Variants in PDE6A observed in about 807,000 individuals in gnomAD.
The protein encoded by PDE6A is phosphodiesterase 6A.
A neutral mutation model predicts 106.3 loss-of-function variants in PDE6A; 84 were observed. That is an observed-to-expected ratio of 0.79 (90% CI 0.66 to 0.95). The LOEUF is 0.95. Among genes scored for constraint, PDE6A ranks in the 40% least tolerant of loss-of-function variants. PDE6A has a pLI of 0.00. For missense variants in PDE6A, 1,052 were observed against 1,084.9 expected (o/e 0.97, Z 0.43); for synonymous variants, 394 against 386.6 (o/e 1.02, Z -0.23).
chr5:149,878,092 G>A (rs957278039), intron 17 of PDE6A, among the ~76,000 whole-genome samples: 13 of 152,210 alleles, frequency 8.5e-5, no homozygotes, highest in Non-Finnish European at 1.6e-4. Flanking sequence ...TTGTAAGGTG[G>A]GGAAGAATGA....
chr5:149,910,307 T>A (rs1347494065), intron 6 of PDE6A, among the ~76,000 whole-genome samples: 1 of 152,238 alleles, frequency 6.6e-6, no homozygotes, highest in East Asian at 1.9e-4. Context: ...CTCTTTCAGA[T>A]TAGTCTCCTG....
chr5:149,940,504 C>CATTTTTTTTTTTTT, intron 1 of PDE6A, among the ~76,000 whole-genome samples: 1 of 118,174 alleles, frequency 8.5e-6, no homozygotes, highest in South Asian at 3.1e-4. Flanking sequence ...CTGTTTGAAT[C>CATTTTTTTTTTTTT]CTTTTTTTTT....
chr5:149,867,551 T>A (rs1408678069), intron 19 of PDE6A, 174 bp downstream of exon 19: 1 of 688,116 alleles, frequency 1.5e-6, no homozygotes, highest in Non-Finnish European at 2.6e-6. Context: ...ACCTAACATG[T>A]TCTCAAGTAA....
chr5:149,931,124 G>A lies in PDE6A; in HGVS notation c.762C>T (p.Asp254=). Reference sequence around the variant, plus strand: ...GGGCTTTGTGGAACTGTCGTTCGATGTCCGTAAGTTCTTCAAAGACTTTGC... The same window carrying A: ...GGGCTTTGTGGAACTGTCGTTCGATATCCGTAAGTTCTTCAAAGACTTTGC... ...SGSKVFEELT[D]IERQFHKALY... The change falls in exon 4 of 22, where the codon GAC becomes GAT. Residue 254 remains aspartate (D), a synonymous_variant. Transcript: ENST00000255266. The A allele has an allele frequency of 6.2e-7, 1 of 1,614,088 alleles. No individual in the cohort carries two copies. Among genetic ancestry groups the A allele is most frequent in the Non-Finnish European group, 8.5e-7 (1 of 1,179,964 alleles).
chr5:149,874,427 G>C lies in PDE6A; in HGVS notation c.2136-6269C>G, dbSNP rs149889103. Among the ~76,000 whole-genome samples, 608 of 152,292 alleles carry C rather than the reference G, an allele frequency of 4.0e-3. 6 individuals are homozygous for C. The highest frequency in any genetic ancestry group is 0.014 in the African/African-American group (570 of 41,552). ...TTTCTAGTTTATTATAAAGGTTACA[G>C]CTCAGAAACAGCCAAATGAATGTGA... is the stretch of plus-strand genomic sequence containing the variant. On this transcript the variant is annotated intron_variant, in intron 17 of 21. Transcript: ENST00000255266.
At chr5:149,883,406 G>T in intron 17 of PDE6A, 23 bp downstream of exon 17, 2 of 1,514,402 alleles carry the variant, frequency 1.3e-6, no homozygotes, top group Non-Finnish European at 1.8e-6. Context: ...AGAGGATCAG[G>T]TTTTAACCCC....
Position 149,944,552 on chromosome 5 carries a change from T to A in PDE6A, c.122A>T (p.Glu41Val). Residue 41 changes from glutamate to valine, a missense_variant, in exon 1 of 22, where the codon GAG (glutamate) becomes GTG (valine). Physicochemically the swap from Glu to Val is moderately radical, Grantham distance 121. This residue lies in a region of PDE6A where 913 missense variants were observed against 915.2 expected (regional missense o/e 1.00). Transcript: ENST00000255266. ...KLISDLLGAK[E>V]AAVDFSNYHS... ...GTAGTTGCTGAAGTCCACGGCAGCC[T>A]CCTTGGCCCCAAGGAGGTCGGAGAT... 1 of 1,614,060 alleles carries A rather than the reference T, an allele frequency of 6.2e-7. No individual in the cohort carries two copies. The highest frequency in any genetic ancestry group is 8.5e-7 in the Non-Finnish European group (1 of 1,180,004).
At chr5:149,896,306 C>A (rs1247737092) in intron 12 of PDE6A, 50 bp downstream of exon 12, 2 of 1,476,218 alleles carry the variant, frequency 1.4e-6, no homozygotes, top group East Asian at 2.3e-5. Context: ...TTAAAGCAAG[C>A]AAGAAAGAAA....
chr5:149,865,931 G>A (rs1760314816), intron 20 of PDE6A, among the ~76,000 whole-genome samples: 1 of 152,200 alleles, frequency 6.6e-6, no homozygotes, highest in Admixed American at 6.5e-5. Flanking sequence ...TCCATGCTTA[G>A]TCATTTGCCC....
intron 7 of PDE6A, among the ~76,000 whole-genome samples, chr5:149,905,496 C>A (rs1213720734): frequency 1.3e-5 from 2 of 152,160 alleles, no homozygotes; most frequent in Admixed American, 6.5e-5. Flanking sequence ...AGCATGATGA[C>A]AGCACTATCT....
intron 5 of PDE6A, among the ~76,000 whole-genome samples, chr5:149,919,203 A>G (rs1211919761): frequency 6.6e-6 from 1 of 152,076 alleles, no homozygotes; most frequent in Non-Finnish European, 1.5e-5. Flanking sequence ...GTCTTTAGAA[A>G]GGTTAGAAAT....
At chr5:149,888,899 C>T (rs1049392090) in intron 13 of PDE6A, among the ~76,000 whole-genome samples, 1 of 151,520 alleles carries the variant, frequency 6.6e-6, no homozygotes, top group African/African-American at 2.4e-5. Flanking sequence ...CTGGCTAACA[C>T]AGTGAAACCC....
In PDE6A at chr5:149,883,434, G is replaced by T; in HGVS notation, c.2130C>A (p.Ile710=). Residue 710 remains isoleucine, a synonymous_variant, in exon 17 of 22, where the codon ATC becomes ATA. Coordinates refer to ENST00000255266, the MANE Select transcript of PDE6A (RefSeq NM_000440.3). ...TTAACCCCATCCCAACTCACATAAC[G>T]ATTTCCTTCCGTGTCTGCTCCAGCA... The part of the protein sequence containing the change: ...YMMLEQTRKE[I]VMAMMMTACD... 1 of 1,608,864 alleles carries T rather than the reference G, an allele frequency of 6.2e-7. No individual in the cohort carries two copies. Among genetic ancestry groups the T allele is most frequent in the Non-Finnish European group, 8.5e-7 (1 of 1,175,292 alleles).
At chr5:149,904,889 T>C (rs1022158419) in intron 7 of PDE6A, among the ~76,000 whole-genome samples, 5 of 152,172 alleles carry the variant, frequency 3.3e-5, no homozygotes, top group Admixed American at 3.3e-4. Flanking sequence ...ATGGTCCCTA[T>C]AGCAAGCACC....
chr5:149,864,517 C>T (rs548581161), intron 20 of PDE6A, among the ~76,000 whole-genome samples: 4 of 152,212 alleles, frequency 2.6e-5, no homozygotes, highest in Non-Finnish European at 5.9e-5. Flanking sequence ...GCTGGGATTA[C>T]AGGCATGAGC....
At chr5:149,919,488 A>C (rs1251740541) in intron 5 of PDE6A, among the ~76,000 whole-genome samples, 1 of 152,224 alleles carries the variant, frequency 6.6e-6, no homozygotes, top group African/African-American at 2.4e-5. Context: ...AGCCTGGGCA[A>C]CAGAGTGACA....
chr5:149,884,192 A>AT (rs1369796758), intron 16 of PDE6A, among the ~76,000 whole-genome samples: 58 of 129,186 alleles, frequency 4.5e-4, no homozygotes, highest in Non-Finnish European at 6.1e-4. Flanking sequence ...AAAAAAGAAA[A>AT]AAAAAAAATA....
At chr5:149,918,574 C>T (rs972960061) in intron 5 of PDE6A, among the ~76,000 whole-genome samples, 5 of 151,932 alleles carry the variant, frequency 3.3e-5, no homozygotes, top group Non-Finnish European at 5.9e-5. Flanking sequence ...ACATACAAAC[C>T]AATTTTCTTT....
At chr5:149,900,228 G>A (rs1299615594) in intron 8 of PDE6A, among the ~76,000 whole-genome samples, 1 of 151,358 alleles carries the variant, frequency 6.6e-6, no homozygotes, top group African/African-American at 2.4e-5. Flanking sequence ...CGGATGTGGC[G>A]GCATGCTCCT....
Sources: allele counts gnomAD v4.1 joint callset (sites outside exome capture counted in the v4.1 genomes callset), GRCh38; gene constraint gnomAD v4.1.1; regional missense constraint gnomAD v4.1.1; transcripts MANE v1.5; gene names NCBI Gene and HGNC (gene_info 2026-07-23, HGNC 2026-07-21).